Variants in MARCHF1 observed in about 807,000 individuals in gnomAD.
The protein encoded by MARCHF1 is E3 ubiquitin-protein ligase MARCHF1.
In MARCHF1, 40 loss-of-function variants were observed where a neutral mutation model predicts 54.2. That is an observed-to-expected ratio of 0.74 (90% CI 0.57 to 0.96). MARCHF1 has a LOEUF of 0.96. MARCHF1 is among the 40% of genes least tolerant of loss of function. MARCHF1 has a pLI of 0.00. For missense variants in MARCHF1, 586 were observed against 656.5 expected, an observed-to-expected ratio of 0.89 and a Z score of 1.17; for synonymous variants, 236 against 236.3, an observed-to-expected ratio of 1.00 and a Z score of 0.01.
chr4:163,753,331 T>G (rs904906239), intron 4 of MARCHF1, among the ~76,000 whole-genome samples: 2 of 152,170 alleles, frequency 1.3e-5, no homozygotes, highest in Non-Finnish European at 2.9e-5. Flanking sequence ...ATGGTTTTAC[T>G]GTAAGGAACA....
rs771553443 is a variant in MARCHF1, at chr4:163,528,771, G to A, written c.1615C>T (p.Pro539Ser). ...ANSLPSAEGG[P>S]PEVVSV ...CATCAGACTGATACAACTTCAGGGG[G>A]GCCACCCTCTGCAGATGGCAGTGAA... Residue 539 changes from proline (P) to serine (S), a missense_variant, in exon 10 of 10, where the codon CCC becomes TCC. Around this residue, in one of 3 missense-constraint regions of MARCHF1, gnomAD observed 106 missense variants for 93.8 expected, o/e 1.13. Coordinates refer to ENST00000514618, the MANE Select transcript of MARCHF1 (RefSeq NM_001394959.1). 2.5e-5 allele frequency: 41 copies of A among 1,612,196 alleles called. No homozygotes were observed. In the East Asian group the frequency reaches 8.7e-4, roughly 34 times the overall value.
intron 2 of MARCHF1, among the ~76,000 whole-genome samples, chr4:164,077,227 A>G (rs903842644): frequency 1.3e-5 from 2 of 152,206 alleles, no homozygotes; most frequent in African/African-American, 2.4e-5. Flanking sequence ...ATAATGCCAC[A>G]TATCTGCAAC....
chr4:163,793,381 G>T (rs1747822229), intron 4 of MARCHF1, among the ~76,000 whole-genome samples: 1 of 152,116 alleles, frequency 6.6e-6, no homozygotes, highest in South Asian at 2.1e-4. Context: ...ATTCTCTTCA[G>T]TTGGGAAACA....
intron 3 of MARCHF1, among the ~76,000 whole-genome samples, chr4:163,866,700 G>A (rs1259411302): frequency 6.6e-6 from 1 of 151,488 alleles, no homozygotes; most frequent in Admixed American, 6.6e-5. Flanking sequence ...CTTCTAACCA[G>A]CTGGCTGTAA....
chr4:163,744,247 AT>A (rs549095753), intron 4 of MARCHF1, among the ~76,000 whole-genome samples: 3 of 151,268 alleles, frequency 2.0e-5, no homozygotes, highest in East Asian at 1.9e-4. Context: ...TTTCGAACCA[AT>A]TTTTTTTTAG....
At chr4:164,113,641 C>T (rs1296226300) in intron 1 of MARCHF1, among the ~76,000 whole-genome samples, 2 of 151,772 alleles carry the variant, frequency 1.3e-5, no homozygotes, top group Non-Finnish European at 2.9e-5. Flanking sequence ...TGAGAAAAAT[C>T]TAATAAATAA....
chr4:163,977,910 C>A (rs1752680865), intron 3 of MARCHF1, among the ~76,000 whole-genome samples: 3 of 151,884 alleles, frequency 2.0e-5, no homozygotes, highest in African/African-American at 4.8e-5. Context: ...ACCTAACAAC[C>A]AGTAAAATAA....
intron 1 of MARCHF1, among the ~76,000 whole-genome samples, chr4:164,243,578 T>A (rs1732844296): frequency 6.6e-6 from 1 of 151,700 alleles, no homozygotes. Flanking sequence ...GCTAACATCA[T>A]CATGACAGGA....
At chr4:164,082,262 A>G (rs1755117178) in intron 2 of MARCHF1, among the ~76,000 whole-genome samples, 1 of 152,178 alleles carries the variant, frequency 6.6e-6, no homozygotes, top group African/African-American at 2.4e-5. Flanking sequence ...ATAAGGCATA[A>G]AATTATCTAT....
chr4:163,867,550 A>G (rs1750079780), intron 3 of MARCHF1, among the ~76,000 whole-genome samples: 1 of 151,724 alleles, frequency 6.6e-6, no homozygotes, highest in South Asian at 2.1e-4. Context: ...TGAATATGCC[A>G]TTGTATACTC....
intron 3 of MARCHF1, among the ~76,000 whole-genome samples, chr4:163,872,888 C>G (rs552998015): frequency 6.6e-5 from 10 of 151,732 alleles, no homozygotes; most frequent in Admixed American, 6.6e-4. Flanking sequence ...ACTAAAAATA[C>G]AAAAAATTAG....
intron 9 of MARCHF1, among the ~76,000 whole-genome samples, chr4:163,542,427 A>C (rs949486990): frequency 2.0e-5 from 3 of 152,182 alleles, no homozygotes; most frequent in Admixed American, 1.3e-4. Context: ...TTAAATGAGC[A>C]ATTGCAATGG....
At chr4:163,803,071 G>A (rs1748126399) in intron 4 of MARCHF1, among the ~76,000 whole-genome samples, 1 of 152,132 alleles carries the variant, frequency 6.6e-6, no homozygotes, top group Non-Finnish European at 1.5e-5. Flanking sequence ...ACACTGGTTG[G>A]AATTTCTGGA....
intron 2 of MARCHF1, among the ~76,000 whole-genome samples, chr4:164,092,385 C>T (rs913635652): frequency 6.6e-6 from 1 of 152,132 alleles, no homozygotes; most frequent in Admixed American, 6.6e-5. Context: ...CAAAGAACAA[C>T]ATGTACCCCA....
At chr4:164,280,020 A>G (rs552863753) in intron 1 of MARCHF1, among the ~76,000 whole-genome samples, 5 of 152,044 alleles carry the variant, frequency 3.3e-5, no homozygotes, top group Non-Finnish European at 7.4e-5. Flanking sequence ...TCAAAAACTT[A>G]AAGGGTAGAA....
intron 3 of MARCHF1, among the ~76,000 whole-genome samples, chr4:163,879,503 T>C (rs1750367885): frequency 6.6e-6 from 1 of 152,218 alleles, no homozygotes; most frequent in African/African-American, 2.4e-5. Context: ...GTGCTCATGA[T>C]ATATTCTTTA....
At chr4:163,839,237 A>G (rs1450300122) in intron 4 of MARCHF1, among the ~76,000 whole-genome samples, 1 of 152,104 alleles carries the variant, frequency 6.6e-6, no homozygotes, top group Admixed American at 6.5e-5. Flanking sequence ...AAAAAAGAAT[A>G]GAAATGGAAA....
intron 1 of MARCHF1, among the ~76,000 whole-genome samples, chr4:164,325,281 A>G (rs901533935): frequency 6.6e-6 from 1 of 150,672 alleles, no homozygotes; most frequent in East Asian, 2.0e-4. Context: ...TGGACAGTGA[A>G]GAACATCATA....
chr4:164,050,594 C>T (rs1754343109), intron 2 of MARCHF1, among the ~76,000 whole-genome samples: 4 of 152,176 alleles, frequency 2.6e-5, no homozygotes, highest in South Asian at 2.1e-4. Flanking sequence ...CAGCAGGCAG[C>T]ATTAGCATCC....
Sources: gnomAD v4.1 joint callset for allele counts (sites outside exome capture counted in the v4.1 genomes callset) on GRCh38, gnomAD v4.1.1 for gene constraint, gnomAD v4.1.1 regional missense constraint, MANE v1.5 for transcripts, NCBI Gene and HGNC (gene_info 2026-07-23, HGNC 2026-07-21) for gene names.